The following GABRB2 variants were observed in gnomAD, a reference collection of about 807,000 sequenced individuals.
The protein encoded by GABRB2 is gamma-aminobutyric acid type A receptor subunit beta2, also known as gamma-aminobutyric acid receptor subunit beta-2.
Under a neutral mutation model 54.7 loss-of-function variants are expected in GABRB2, and 16 were observed. The observed-to-expected ratio is 0.29, with a 90% CI of 0.20 to 0.44. GABRB2 has a LOEUF of 0.44. Ranked by LOEUF, GABRB2 falls within the 20% of genes least tolerant of loss-of-function variation. The probability of loss-of-function intolerance (pLI) is 1.00; values close to 1 mark genes in which losing one functional copy is unlikely to be tolerated. For missense variants in GABRB2, 355 were observed against 644.0 expected, an observed-to-expected ratio of 0.55 and a Z score of 4.86; for synonymous variants, 244 against 233.8, an observed-to-expected ratio of 1.04 and a Z score of -0.40.
At chr5:161,368,708 AG>A (rs1755044079) in intron 5 of GABRB2, among the ~76,000 whole-genome samples, 1 of 152,214 alleles carries the variant, frequency 6.6e-6, no homozygotes, top group African/African-American at 2.4e-5. Flanking sequence ...AAGAAGCGAT[AG>A]TCATCCAAAC....
intron 9 of GABRB2, among the ~76,000 whole-genome samples, chr5:161,314,074 T>C (rs1757954375): frequency 1.3e-5 from 2 of 152,246 alleles, no homozygotes; most frequent in Non-Finnish European, 1.5e-5. Flanking sequence ...CCCATGTCTG[T>C]GGCTTCAGAG....
At chr5:161,500,728 A>T (rs1759406623) in intron 3 of GABRB2, among the ~76,000 whole-genome samples, 1 of 152,182 alleles carries the variant, frequency 6.6e-6, no homozygotes, top group East Asian at 1.9e-4. Context: ...TCCATTTCAG[A>T]TTTTATGCCA....
At chr5:161,485,038 G>T (rs1270400983) in intron 3 of GABRB2, among the ~76,000 whole-genome samples, 1 of 151,912 alleles carries the variant, frequency 6.6e-6, no homozygotes, top group Non-Finnish European at 1.5e-5. Flanking sequence ...TGCATAAGCT[G>T]TTTCTTCTGT....
At chr5:161,477,026 G>A (rs1420300452) in intron 3 of GABRB2, among the ~76,000 whole-genome samples, 1 of 151,720 alleles carries the variant, frequency 6.6e-6, no homozygotes, top group Non-Finnish European at 1.5e-5. Flanking sequence ...TGTAAATAAT[G>A]TATCTGAGAA....
chr5:161,426,428 A>C (rs965309780), intron 4 of GABRB2, among the ~76,000 whole-genome samples: 8 of 152,152 alleles, frequency 5.3e-5, no homozygotes, highest in African/African-American at 1.9e-4. Context: ...CAAAACTGGA[A>C]CTGAGAGAAC....
intron 4 of GABRB2, among the ~76,000 whole-genome samples, chr5:161,422,705 C>T (rs1756883725): frequency 6.6e-6 from 1 of 152,086 alleles, no homozygotes; most frequent in Non-Finnish European, 1.5e-5. Flanking sequence ...TAAGGGCATT[C>T]CTTGTCAATA....
In GABRB2 at chr5:161,318,820, G is replaced by A. The variant is rs147282956; in HGVS notation, c.1191+7548C>T. Among the ~76,000 whole-genome samples, 503 of 151,698 alleles carry A rather than the reference G, an allele frequency of 3.3e-3. 3 individuals carry two copies. The highest frequency in any genetic ancestry group is 0.011 in the African/African-American group (461 of 41,408). On this transcript the variant is annotated intron_variant, in intron 9 of 9. Transcript: ENST00000393959. Reference sequence around the variant, plus strand: ...TAGAATACTTTAGAAAAAACTGATCGCTTATAAATTTTACCTTTAAAAAAT... The same window carrying A: ...TAGAATACTTTAGAAAAAACTGATCACTTATAAATTTTACCTTTAAAAAAT...
At chr5:161,530,907 A>G (rs1168598701) in intron 3 of GABRB2, among the ~76,000 whole-genome samples, 1 of 152,142 alleles carries the variant, frequency 6.6e-6, no homozygotes, top group Non-Finnish European at 1.5e-5. Flanking sequence ...TACCCACGTC[A>G]GAAGCACACT....
upstream of GABRB2, among the ~76,000 whole-genome samples, chr5:161,547,458 T>G (rs868199885): frequency 6.6e-6 from 1 of 152,096 alleles, no homozygotes; most frequent in South Asian, 2.1e-4. Flanking sequence ...CACGAGCGAT[T>G]TCTTTCTCCT....
At chr5:161,388,946 T>C (rs1411501045) in intron 5 of GABRB2, among the ~76,000 whole-genome samples, 1 of 151,970 alleles carries the variant, frequency 6.6e-6, no homozygotes, top group Non-Finnish European at 1.5e-5. Flanking sequence ...ATGTTAAAAA[T>C]AAATATAATT....
At chr5:161,419,630 GA>G (rs1484343963) in intron 4 of GABRB2, among the ~76,000 whole-genome samples, 1 of 152,240 alleles carries the variant, frequency 6.6e-6, no homozygotes, top group East Asian at 1.9e-4. Context: ...ATGCATTAAT[GA>G]AAAAGAATGA....
At chr5:161,310,728 A>G (rs529838683) in intron 9 of GABRB2, among the ~76,000 whole-genome samples, 2 of 152,224 alleles carry the variant, frequency 1.3e-5, no homozygotes, top group Non-Finnish European at 2.9e-5. Context: ...TCAAAAAATA[A>G]AAAACTTCAA....
chr5:161,309,771 C>T (rs1383248897), intron 9 of GABRB2, among the ~76,000 whole-genome samples: 1 of 151,494 alleles, frequency 6.6e-6, no homozygotes, highest in Non-Finnish European at 1.5e-5. Flanking sequence ...GCTAGGACTA[C>T]AGGCGCCCGC....
intron 4 of GABRB2, among the ~76,000 whole-genome samples, chr5:161,425,782 A>G (rs1756980186): frequency 1.3e-5 from 2 of 152,168 alleles, no homozygotes; most frequent in African/African-American, 2.4e-5. Flanking sequence ...GTGCATGAGG[A>G]CATAGCTTAC....
chr5:161,374,850 A>G (rs1401486060), intron 5 of GABRB2, among the ~76,000 whole-genome samples: 1 of 152,140 alleles, frequency 6.6e-6, no homozygotes, highest in Non-Finnish European at 1.5e-5. Flanking sequence ...TTACAGTATT[A>G]TCTCCTTAAG....
At chr5:161,507,140 A>T (rs932533599) in intron 3 of GABRB2, among the ~76,000 whole-genome samples, 3 of 152,116 alleles carry the variant, frequency 2.0e-5, no homozygotes, top group African/African-American at 7.2e-5. Context: ...GTCATGAAAG[A>T]CAAGGGAAAC....
intron 5 of GABRB2, among the ~76,000 whole-genome samples, chr5:161,337,341 T>C (rs1463755562): frequency 6.6e-6 from 1 of 152,196 alleles, no homozygotes; most frequent in East Asian, 1.9e-4. Context: ...CTGTTCAATA[T>C]TCATGTAGTT....
At chr5:161,301,541 G>A (rs1042128861) in intron 9 of GABRB2, among the ~76,000 whole-genome samples, 2 of 151,694 alleles carry the variant, frequency 1.3e-5, no homozygotes, top group South Asian at 4.2e-4. Flanking sequence ...AAATTTTTCT[G>A]TCTTGGCATT....
At chr5:161,388,227 G>C (rs1281110680) in intron 5 of GABRB2, among the ~76,000 whole-genome samples, 1 of 152,082 alleles carries the variant, frequency 6.6e-6, no homozygotes, top group Non-Finnish European at 1.5e-5. Flanking sequence ...ATGAGTTGCT[G>C]TCTCCTTAAT....
Sources: allele counts gnomAD v4.1 joint callset (sites outside exome capture counted in the v4.1 genomes callset), GRCh38; gene constraint gnomAD v4.1.1; transcripts MANE v1.5; gene names NCBI Gene and HGNC (gene_info 2026-07-23, HGNC 2026-07-21).